POFUT2: variants seen among roughly 807,000 people sequenced by gnomAD.
The protein encoded by POFUT2 is GDP-fucose protein O-fucosyltransferase 2.
A neutral mutation model predicts 55.0 loss-of-function variants in POFUT2; 30 were observed. The observed-to-expected ratio is 0.55, with a 90% CI of 0.41 to 0.74. The LOEUF (loss-of-function observed/expected upper bound fraction) is 0.74. Among genes scored for constraint, POFUT2 ranks in the 30% least tolerant of loss-of-function variants. The pLI is 0.00. For synonymous variants in POFUT2, 267 were observed against 231.1 expected (o/e 1.16, Z -1.41); for missense variants, 524 against 562.6 (o/e 0.93, Z 0.69).
In POFUT2 at chr21:45,267,380, G is replaced by A; in HGVS notation, c.1136+210C>T. ...CCTGCTATGGAGGAATTCTGTGCAT[G>A]AGAACTAAAGGGGCAAGATGAACAA... is the stretch of plus-strand genomic sequence containing the variant. On this transcript the variant is annotated intron_variant, in intron 8 of 8. Transcript: ENST00000349485. The surrounding 1 kb of genome is among the most constrained non-coding windows in gnomAD (Gnocchi z 4.4). 5.0e-6 allele frequency: 8 copies of A among 1,586,578 alleles called. No individual in the cohort carries two copies. The highest frequency in any genetic ancestry group is 6.9e-6 in the Non-Finnish European group (8 of 1,164,806).
Position 45,285,907 on chromosome 21 carries a change from G to A in POFUT2, c.153C>T (p.Asn51=). ...SRRRYLLYDV[N]PPEGFNLRRD... is the part of the protein sequence containing the mutation. ...TGCGCAGGTTGAAGCCTTCCGGGGG[G>A]TTGACGTCATACAGAAGATACCTGA... The change falls in exon 2 of 9, where the codon AAC becomes AAT. Residue 51 remains asparagine, a synonymous_variant. Transcript: ENST00000349485. The surrounding 1 kb of genome is among the most constrained non-coding windows in gnomAD (Gnocchi z 4.9). 6.2e-7 allele frequency: 1 copy of A among 1,609,714 alleles called. No homozygotes were observed. The highest frequency in any genetic ancestry group is 8.5e-7 in the Non-Finnish European group (1 of 1,178,160).
chr21:45,265,233 C>T lies in POFUT2; in HGVS notation c.*249G>A. On this transcript the variant is annotated 3_prime_UTR_variant, in exon 9 of 9. Coordinates refer to ENST00000349485, the MANE Select transcript of POFUT2 (RefSeq NM_133635.6). The surrounding 1 kb of genome is among the most constrained non-coding windows in gnomAD (Gnocchi z 4.6). ...ACTGCTGGCAACCGAGCTGTGGGTTCACAGACGCTGCCTGAAAACAACCGC... is the reference window on the plus strand; with the variant it reads ...ACTGCTGGCAACCGAGCTGTGGGTTTACAGACGCTGCCTGAAAACAACCGC... 1 of 394,148 alleles carries T rather than the reference C, an allele frequency of 2.5e-6. No individual in the cohort carries two copies. Among genetic ancestry groups the T allele is most frequent in the Non-Finnish European group, 4.5e-6 (1 of 220,088 alleles). 24.4% of individuals were successfully genotyped at this position (394,148 alleles called of 1,614,324 possible). A position where few individuals can be genotyped will look rare whatever the true frequency, so the allele number is the denominator to read the frequency against.
chr21:45,266,815 C>T (rs1017057956), intron 8 of POFUT2: 16 of 998,614 alleles, frequency 1.6e-5, no homozygotes, highest in African/African-American at 1.2e-4. Context: ...CAGAGACGCA[C>T]GCGTGTGCAC....
chr21:45,278,342 G>A (rs2030068798), intron 4 of POFUT2, among the ~76,000 whole-genome samples, 173 bp from the exon 5 acceptor site: 1 of 152,208 alleles, frequency 6.6e-6, no homozygotes, highest in South Asian at 2.1e-4. Flanking sequence ...GCAGGCTGCT[G>A]TCTGGCCTCC....
chr21:45,273,925 C>A (rs1368956307), intron 6 of POFUT2, among the ~76,000 whole-genome samples: 2 of 152,208 alleles, frequency 1.3e-5, no homozygotes, highest in African/African-American at 4.8e-5. Flanking sequence ...TGCCCACTCT[C>A]ACCACTTCTA....
intron 7 of POFUT2, among the ~76,000 whole-genome samples, chr21:45,268,227 C>T (rs1195892756): frequency 6.6e-6 from 1 of 152,270 alleles, no homozygotes; most frequent in African/African-American, 2.4e-5. Context: ...GCGAGTGATC[C>T]GCCAGCCTCG....
intron 7 of POFUT2, among the ~76,000 whole-genome samples, chr21:45,268,697 C>T (rs1351499152): frequency 1.3e-5 from 2 of 148,196 alleles, no homozygotes; most frequent in African/African-American, 5.0e-5. Flanking sequence ...AGGTGAGGAG[C>T]GTCTCTGCCC....
chr21:45,283,258 G>GA, intron 3 of POFUT2, 125 bp downstream of exon 3: 1 of 459,792 alleles, frequency 2.2e-6, no homozygotes, highest in Non-Finnish European at 3.9e-6. Context: ...TGCAGGGGGG[G>GA]CGGGGGGCAC....
In POFUT2 at chr21:45,267,351, A is replaced by G. The variant is rs1756735763; in HGVS notation, c.1136+239T>C. The G allele has an allele frequency of 8.4e-6, 13 of 1,544,482 alleles. No homozygotes were observed. The Admixed American group carries it at 1.7e-4, about 21-fold the overall frequency. On this transcript the variant is annotated intron_variant, in intron 8 of 8. Transcript: ENST00000349485. This position sits in a 1 kb window ranked among gnomAD's most constrained non-coding sequence, Gnocchi z 4.4. ...TTCTGAGACGAGGCCAGCTATGCCA[A>G]CAGCCTGCTATGGAGGAATTCTGTG... is the stretch of plus-strand genomic sequence containing the variant.
In POFUT2 at chr21:45,267,454, G is replaced by T; in HGVS notation, c.1136+136C>A. ...TGAACCAGATGCTACAGGAGACTCA[G>T]ACGAGGAGGCAAACAGTATGGAAAT... On this transcript the variant is annotated intron_variant, in intron 8 of 8. Coordinates refer to ENST00000349485, the MANE Select transcript of POFUT2 (RefSeq NM_133635.6). The surrounding 1 kb of genome is among the most constrained non-coding windows in gnomAD (Gnocchi z 4.4). 1 of 1,613,976 alleles carries T rather than the reference G, an allele frequency of 6.2e-7. No individual in the cohort carries two copies. The highest frequency in any genetic ancestry group is 1.1e-5 in the South Asian group (1 of 91,082).
In POFUT2 at chr21:45,276,899, G is replaced by C. The variant is rs2093269495; in HGVS notation, c.831+118C>G. The C allele has an allele frequency of 5.4e-6, 6 of 1,116,682 alleles. No individual in the cohort carries two copies. The Admixed American group carries it at 1.0e-4, about 19-fold the overall frequency. 69.2% of individuals were successfully genotyped at this position (1,116,682 alleles called of 1,614,324 possible). Reference sequence around the variant, plus strand: ...GACTCACATTCCAGAGAGGCGCCGAGGCATCCACGCCCACAGACACGCCAA... The same window carrying C: ...GACTCACATTCCAGAGAGGCGCCGACGCATCCACGCCCACAGACACGCCAA... On this transcript the variant is annotated intron_variant, in intron 6 of 8. Coordinates refer to ENST00000349485, the MANE Select transcript of POFUT2 (RefSeq NM_133635.6).
chr21:45,285,971 T>A lies in POFUT2; in HGVS notation c.132-43A>T. 1 of 1,554,334 alleles carries A rather than the reference T, an allele frequency of 6.4e-7. No individual in the cohort carries two copies. Among genetic ancestry groups the A allele is most frequent in the Non-Finnish European group, 8.7e-7 (1 of 1,151,332 alleles). On this transcript the variant is annotated intron_variant, in intron 1 of 8. Transcript: ENST00000349485. This position sits in a 1 kb window ranked among gnomAD's most constrained non-coding sequence, Gnocchi z 4.9. ...GGACCACAGGTCTCAAATGCTGAGG[T>A]TTCTGCACGGAAAACCCGACTGCTC... is the stretch of plus-strand genomic sequence containing the variant.
chr21:45,278,246 G>T, intron 4 of POFUT2, 77 bp from the exon 5 acceptor site: 1 of 1,265,910 alleles, frequency 7.9e-7, no homozygotes, highest in Non-Finnish European at 1.2e-6. Context: ...AGCACAAACT[G>T]GGAGAACCCC....
Position 45,267,685 on chromosome 21 carries a change from G to A in POFUT2, c.1041C>T (p.Pro347=), listed in dbSNP as rs372635250. The change falls in exon 8 of 9, where the codon CCC becomes CCT. Residue 347 remains proline (P), a synonymous_variant. Coordinates refer to ENST00000349485, the MANE Select transcript of POFUT2 (RefSeq NM_133635.6). The surrounding 1 kb of genome is among the most constrained non-coding windows in gnomAD (Gnocchi z 4.4). ...KEYEELKKLL[P]EMVRFEPTWE... is the part of the protein sequence containing the mutation. The stretch of plus-strand genomic sequence containing the variant: ...ACGTGGGTTCAAACCTCACCATCTC[G>A]GGTAACAGCTTTTTTAGCTCTTCAT... 5.6e-6 allele frequency: 9 copies of A among 1,614,134 alleles called. No individual in the cohort carries two copies. The Admixed American group carries it at 6.7e-5, about 12-fold the overall frequency.
rs1240712822 is a variant in POFUT2 at position 45,285,791 on chromosome 21, T to C, written c.269A>G (p.Tyr90Cys). 2 of 1,613,636 alleles carry C rather than the reference T, an allele frequency of 1.2e-6. No individual in the cohort carries two copies. Among genetic ancestry groups the C allele is most frequent in the Non-Finnish European group, 1.7e-6 (2 of 1,180,024 alleles). Residue 90 changes from tyrosine (Y) to cysteine (C), a missense_variant, in exon 2 of 9, where the codon TAT becomes TGT. Transcript: ENST00000349485. The surrounding 1 kb of genome is among the most constrained non-coding windows in gnomAD (Gnocchi z 4.9). The part of the protein sequence containing the change: ...VLVLPPWGRL[Y>C]HWQSPDIHQV... ...GTGGATGTCAGGACTCTGCCAGTGA[T>C]AGAGGCGGCCCCATGGAGGCAGGAC...
rs1166455571 is a variant in POFUT2 at position 45,282,483 on chromosome 21, C to T, written c.528-24G>A. 1.4e-5 allele frequency: 19 copies of T among 1,356,026 alleles called. No individual in the cohort carries two copies. The highest frequency in any genetic ancestry group is 1.9e-5 in the Non-Finnish European group (18 of 946,118). The allele number at this position is 1,356,026 out of a possible 1,614,324, so 84.0% of individuals were successfully genotyped here. A position where few individuals can be genotyped will look rare whatever the true frequency, so the allele number is the denominator to read the frequency against. The stretch of plus-strand genomic sequence containing the variant: ...CTCTGGAAAACAAAACCCACAGCAG[C>T]TCTATCAGTTTATTTTGCTTTCACA... On this transcript the variant is annotated intron_variant, in intron 3 of 8. Transcript: ENST00000349485. The surrounding 1 kb of genome is among the most constrained non-coding windows in gnomAD (Gnocchi z 4.6).
Position 45,281,805 on chromosome 21 carries a change from C to T in POFUT2, c.638+544G>A, listed in dbSNP as rs1000782514. 6.6e-6 allele frequency among the ~76,000 whole-genome samples: 1 copy of T among 152,046 alleles called. No homozygotes were observed. Among genetic ancestry groups the T allele is most frequent in the Non-Finnish European group, 1.5e-5 (1 of 68,012 alleles). On this transcript the variant is annotated intron_variant, in intron 4 of 8. Coordinates refer to ENST00000349485, the MANE Select transcript of POFUT2 (RefSeq NM_133635.6). The surrounding 1 kb of genome is among the most constrained non-coding windows in gnomAD (Gnocchi z 5.0). Reference sequence around the variant, plus strand: ...CTAAGAACGTGGCCATCAACAATTCCCTCCAGAGTTTACGACATCATCAGG... The same window carrying T: ...CTAAGAACGTGGCCATCAACAATTCTCTCCAGAGTTTACGACATCATCAGG...
At chr21:45,271,149 A>C (rs75838273) in intron 6 of POFUT2, among the ~76,000 whole-genome samples, 3 of 152,110 alleles carry the variant, frequency 2.0e-5, no homozygotes, top group Admixed American at 2.0e-4. Flanking sequence ...TAAAAAAAAA[A>C]CAACAACAAC....
chr21:45,274,955 A>G (rs2093249930), intron 6 of POFUT2, among the ~76,000 whole-genome samples: 1 of 152,246 alleles, frequency 6.6e-6, no homozygotes, highest in Admixed American at 6.5e-5. Context: ...TAAACTAAAA[A>G]GCTTCTGCAC....
Sources: allele counts gnomAD v4.1 joint callset (sites outside exome capture counted in the v4.1 genomes callset), GRCh38; gene constraint gnomAD v4.1.1; non-coding constraint Gnocchi (gnomAD v3.1); transcripts MANE v1.5; gene names NCBI Gene and HGNC (gene_info 2026-07-23, HGNC 2026-07-21).